The following MACROD2 variants were observed in gnomAD, a reference collection of about 807,000 sequenced individuals.
MACROD2 encodes the protein ADP-ribose glycohydrolase MACROD2.
Under a neutral mutation model 70.4 loss-of-function variants are expected in MACROD2, and 36 were observed. The ratio of observed to expected loss-of-function variants is 0.51; its 90% CI spans 0.39 to 0.68. The LOEUF (loss-of-function observed/expected upper bound fraction) is 0.68, where lower values mean the gene tolerates loss of function less well. Ranked by LOEUF, MACROD2 falls within the 30% of genes least tolerant of loss-of-function variation. The pLI is 0.00. For synonymous variants in MACROD2, 172 were observed against 178.8 expected (o/e 0.96, Z 0.30); for missense variants, 496 against 538.4 (o/e 0.92, Z 0.78).
intron 9 of MACROD2, among the ~76,000 whole-genome samples, chr20:15,880,060 A>G (rs6110811): frequency 0.055 from 8,336 of 152,140 alleles, 592 homozygotes; most frequent in African/African-American, 0.16. Context: ...AGGCTCACTC[A>G]CATCAGGGAG....
intron 4 of MACROD2, among the ~76,000 whole-genome samples, chr20:14,555,241 A>C (rs189807974): frequency 2.0e-4 from 31 of 152,240 alleles, no homozygotes; most frequent in African/African-American, 7.5e-4. Flanking sequence ...ACAAACATAT[A>C]CACTATGTAC....
At chr20:14,421,105 A>C (rs1204352594) in intron 3 of MACROD2, among the ~76,000 whole-genome samples, 2 of 152,180 alleles carry the variant, frequency 1.3e-5, no homozygotes, top group African/African-American at 4.8e-5. Context: ...ATGTTGCTGA[A>C]TTTATATTGC....
At chr20:15,915,507 G>A (rs1165582638) in intron 10 of MACROD2, among the ~76,000 whole-genome samples, 1 of 152,092 alleles carries the variant, frequency 6.6e-6, no homozygotes, top group Non-Finnish European at 1.5e-5. Context: ...AATAAATAGT[G>A]GTCAAACCCA....
At chr20:14,189,327 CAA>C (rs2081367461) in intron 3 of MACROD2, among the ~76,000 whole-genome samples, 1 of 152,090 alleles carries the variant, frequency 6.6e-6, no homozygotes, top group Admixed American at 6.5e-5. Context: ...CTTATTTCAA[CAA>C]AGATATACAA....
At chr20:15,466,662 C>A (rs1301419843) in intron 7 of MACROD2, among the ~76,000 whole-genome samples, 2 of 152,152 alleles carry the variant, frequency 1.3e-5, no homozygotes, top group African/African-American at 2.4e-5. Context: ...CCTGTGAAAA[C>A]CTTTAAAACA....
chr20:15,940,779 C>A (rs1005188353), intron 12 of MACROD2, among the ~76,000 whole-genome samples: 4 of 152,150 alleles, frequency 2.6e-5, no homozygotes, highest in Non-Finnish European at 4.4e-5. Flanking sequence ...TGATAGGAAA[C>A]CCTAGGTCAT....
intron 15 of MACROD2, among the ~76,000 whole-genome samples, chr20:15,997,384 T>C (rs1433023329): frequency 6.6e-6 from 1 of 152,142 alleles, no homozygotes; most frequent in Non-Finnish European, 1.5e-5. Context: ...TTCCCATCAA[T>C]ATTTTACAGT....
At chr20:15,477,942 C>T (rs140762279) in intron 7 of MACROD2, among the ~76,000 whole-genome samples, 88 of 152,172 alleles carry the variant, frequency 5.8e-4, no homozygotes, top group African/African-American at 1.9e-3. Context: ...GTTGCAGTGA[C>T]GTGAGGAAAA....
rs916942687 is a variant in MACROD2 at position 15,109,945 on chromosome 20, C to T, written c.419-119995C>T. Among the ~76,000 whole-genome samples the T allele has an allele frequency of 8.6e-5, 13 of 151,340 alleles. No individual in the cohort carries two copies. In the South Asian group the frequency reaches 1.1e-3, roughly 12 times the overall value. ...GATTGGAGAGCAAAAAGGCAAGTGC[C>T]GTTTGTGATAATAGGTTCTCGGAGG... On this transcript the variant is annotated intron_variant, in intron 5 of 17. Transcript: ENST00000684519.
chr20:15,918,973 A>G (rs2065360819), intron 10 of MACROD2, among the ~76,000 whole-genome samples: 1 of 152,180 alleles, frequency 6.6e-6, no homozygotes. Flanking sequence ...CCCTGGAACC[A>G]ATGAGAGGGA....
chr20:15,809,863 T>TTTA (rs2063801992), intron 8 of MACROD2, among the ~76,000 whole-genome samples: 1 of 146,136 alleles, frequency 6.8e-6, no homozygotes, highest in Admixed American at 6.9e-5. Context: ...CACCCTATCT[T>TTTA]TTTTTTTTTT....
At chr20:14,132,420 A>C (rs2054730473) in intron 3 of MACROD2, among the ~76,000 whole-genome samples, 1 of 152,216 alleles carries the variant, frequency 6.6e-6, no homozygotes, top group Non-Finnish European at 1.5e-5. Context: ...GAATATATAT[A>C]GGAGACTTTA....
intron 6 of MACROD2, among the ~76,000 whole-genome samples, chr20:15,370,186 T>C (rs1351842448): frequency 6.6e-6 from 1 of 152,128 alleles, no homozygotes; most frequent in Non-Finnish European, 1.5e-5. Context: ...ACTGTGATTA[T>C]CTGAAGTCAT....
At chr20:14,543,232 G>A (rs994187877) in intron 4 of MACROD2, among the ~76,000 whole-genome samples, 9 of 152,162 alleles carry the variant, frequency 5.9e-5, no homozygotes, top group Non-Finnish European at 1.3e-4. Context: ...GACTGGTAGT[G>A]TATACAGAGT....
At chr20:15,719,118 T>G (rs1307365534) in intron 8 of MACROD2, among the ~76,000 whole-genome samples, 1 of 152,202 alleles carries the variant, frequency 6.6e-6, no homozygotes, top group Non-Finnish European at 1.5e-5. Flanking sequence ...ATACCACTGC[T>G]TACTCACGAA....
At chr20:15,413,860 C>T (rs112736204) in intron 6 of MACROD2, among the ~76,000 whole-genome samples, 3,717 of 152,210 alleles carry the variant, frequency 0.024, 73 homozygotes, top group Non-Finnish European at 0.038. Flanking sequence ...TGACAAGAAA[C>T]GATACCTTAG....
intron 6 of MACROD2, among the ~76,000 whole-genome samples, chr20:15,382,373 G>A (rs561758272): frequency 7.9e-5 from 12 of 152,004 alleles, no homozygotes; most frequent in Non-Finnish European, 5.9e-5. Context: ...GATACTAAGA[G>A]ACAAAAATAT....
chr20:15,198,273 A>G (rs1299589352), intron 5 of MACROD2, among the ~76,000 whole-genome samples: 1 of 152,088 alleles, frequency 6.6e-6, no homozygotes, highest in African/African-American at 2.4e-5. Flanking sequence ...AGCCTCCTTA[A>G]GTGCTGGGAT....
intron 6 of MACROD2, among the ~76,000 whole-genome samples, chr20:15,396,560 C>A (rs1269402423): frequency 3.3e-5 from 5 of 152,136 alleles, no homozygotes; most frequent in Non-Finnish European, 5.9e-5. Flanking sequence ...ATTTTAAGAA[C>A]AAGGACACCA....
Sources: gnomAD v4.1 joint callset for allele counts (sites outside exome capture counted in the v4.1 genomes callset) on GRCh38, gnomAD v4.1.1 for gene constraint, MANE v1.5 for transcripts, NCBI Gene and HGNC (gene_info 2026-07-23, HGNC 2026-07-21) for gene names.